IGF2BP3: variants seen among roughly 807,000 people sequenced by gnomAD.
IGF2BP3 encodes the protein insulin like growth factor 2 mRNA binding protein 3.
In IGF2BP3, 9 loss-of-function variants were observed where a neutral mutation model predicts 73.8. That is an observed-to-expected ratio of 0.12 (90% CI 0.07 to 0.21). IGF2BP3 has a LOEUF of 0.21. IGF2BP3 is among the 10% of genes least tolerant of loss of function. IGF2BP3 has a pLI of 1.00. For synonymous variants in IGF2BP3, 258 were observed against 256.7 expected, an observed-to-expected ratio of 1.01 and a Z score of -0.05; for missense variants, 542 against 714.0, an observed-to-expected ratio of 0.76 and a Z score of 2.75.
At chr7:23,434,102 A>G (rs1296447876) in intron 2 of IGF2BP3, among the ~76,000 whole-genome samples, 2 of 151,752 alleles carry the variant, frequency 1.3e-5, no homozygotes, top group Non-Finnish European at 2.9e-5. Flanking sequence ...AAAAAAAAAA[A>G]AAAAAAGAAA....
At position 23,441,698 on chromosome 7, in the gene IGF2BP3, C is replaced by A. The variant is rs1045790509; in HGVS notation, c.237-22874G>T. ...ACCTCTACCAGAAATTGCAAATTAC[C>A]TACTCAGAGAGTGTGAAAACTCAGT... On this transcript the variant is annotated intron_variant, in intron 2 of 14. Transcript: ENST00000258729. Among the ~76,000 whole-genome samples, 3 of 149,286 alleles carry A rather than the reference C, an allele frequency of 2.0e-5. No individual in the cohort carries two copies. The South Asian group carries it at 6.6e-4, about 33-fold the overall frequency.
intron 10 of IGF2BP3, among the ~76,000 whole-genome samples, chr7:23,319,980 G>A (rs754376270): frequency 5.9e-5 from 9 of 151,786 alleles, no homozygotes; most frequent in East Asian, 3.9e-4. Flanking sequence ...GCACGATCTC[G>A]GCTCACTGCA....
Position 23,403,861 on chromosome 7 carries a change from G to A in IGF2BP3, c.285+14915C>T, listed in dbSNP as rs900721547. ...TACTTGGCCAGGCACGGTGACTCAC[G>A]ACTGTAATCCCAACACTTTGGGAGG... is the stretch of plus-strand genomic sequence containing the variant. On this transcript the variant is annotated intron_variant, in intron 3 of 14. Coordinates refer to ENST00000258729, the MANE Select transcript of IGF2BP3 (RefSeq NM_006547.3). Among the ~76,000 whole-genome samples, 4 of 151,982 alleles carry A rather than the reference G, an allele frequency of 2.6e-5. No homozygotes were observed. The East Asian group carries it at 5.8e-4, about 22-fold the overall frequency.
chr7:23,372,222 G>T (rs188479027), intron 3 of IGF2BP3, among the ~76,000 whole-genome samples: 1 of 151,918 alleles, frequency 6.6e-6, no homozygotes, highest in African/African-American at 2.4e-5. Flanking sequence ...CTACAGGCAC[G>T]TGCCTCCACC....
At chr7:23,457,575 G>A (rs1259549891) in intron 2 of IGF2BP3, among the ~76,000 whole-genome samples, 2 of 152,274 alleles carry the variant, frequency 1.3e-5, no homozygotes, top group East Asian at 1.9e-4. Context: ...GCACACCTAT[G>A]CTGAACAATG....
rs573621214 is a variant in IGF2BP3 at position 23,384,045 on chromosome 7, G to A, written c.286-22304C>T. ...TGGGAGGAAGAGGTTGCAGTGAGCC[G>A]AGATTGTGCCACTGCACTCCAGCCT... On this transcript the variant is annotated intron_variant, in intron 3 of 14. Transcript: ENST00000258729. Among the ~76,000 whole-genome samples the A allele has an allele frequency of 5.6e-5, 8 of 143,242 alleles. No individual in the cohort carries two copies. In the South Asian group the frequency reaches 1.5e-3, roughly 27 times the overall value. 94.0% of individuals were successfully genotyped at this position (143,242 alleles called of 152,430 possible).
intron 2 of IGF2BP3, among the ~76,000 whole-genome samples, chr7:23,429,179 A>T (rs887538680): frequency 2.0e-5 from 3 of 152,222 alleles, no homozygotes; most frequent in African/African-American, 7.2e-5. Context: ...TTGGAAAGAA[A>T]ATAAACCATG....
rs1424954813 is a variant in IGF2BP3 at position 23,390,476 on chromosome 7, C to T, written c.285+28300G>A. Among the ~76,000 whole-genome samples, 6 of 152,174 alleles carry T rather than the reference C, an allele frequency of 3.9e-5. No homozygotes were observed. The East Asian group carries it at 1.2e-3, about 29-fold the overall frequency. Reference sequence around the variant, plus strand: ...GAAAACAGATGAAGCCACTGAGCTACAGGAAAGCAAAGAGTGCCGCTAGAT... The same window carrying T: ...GAAAACAGATGAAGCCACTGAGCTATAGGAAAGCAAAGAGTGCCGCTAGAT... On this transcript the variant is annotated intron_variant, in intron 3 of 14. Coordinates refer to ENST00000258729, the MANE Select transcript of IGF2BP3 (RefSeq NM_006547.3).
At position 23,469,046 on chromosome 7, in the gene IGF2BP3, G is replaced by A. The variant is rs916186306; in HGVS notation, c.176-504C>T. 1.3e-5 allele frequency among the ~76,000 whole-genome samples: 2 copies of A among 152,260 alleles called. No individual in the cohort carries two copies. The highest frequency in any genetic ancestry group is 1.9e-4 in the East Asian group (1 of 5,192). ...GGACGGCAGGGGAGACCACGAACGG[G>A]AGAACTGGCAGAGGCGCAGCTCGGC... On this transcript the variant is annotated intron_variant, in intron 1 of 14. Transcript: ENST00000258729. The surrounding 1 kb of genome is among the most constrained non-coding windows in gnomAD (Gnocchi z 6.1).
chr7:23,383,625 T>A (rs1254553831), intron 3 of IGF2BP3, among the ~76,000 whole-genome samples: 2 of 152,134 alleles, frequency 1.3e-5, no homozygotes, highest in Admixed American at 1.3e-4. Context: ...GCAAGTGAAC[T>A]CCTAGAAACA....
chr7:23,359,204 C>G (rs1479868335), intron 5 of IGF2BP3, among the ~76,000 whole-genome samples: 1 of 152,188 alleles, frequency 6.6e-6, no homozygotes, highest in Non-Finnish European at 1.5e-5. Context: ...TTCTTTTCAG[C>G]AATAATTCTG....
intron 3 of IGF2BP3, among the ~76,000 whole-genome samples, chr7:23,396,254 G>C (rs1319442443): frequency 6.6e-6 from 1 of 152,026 alleles, no homozygotes; most frequent in Non-Finnish European, 1.5e-5. Flanking sequence ...GTGCTGGCTT[G>C]GGGGTAGGGG....
At chr7:23,401,926 G>A (rs1272781107) in intron 3 of IGF2BP3, among the ~76,000 whole-genome samples, 1 of 152,044 alleles carries the variant, frequency 6.6e-6, no homozygotes, top group African/African-American at 2.4e-5. Flanking sequence ...AGACCAGCCT[G>A]GCCAACATGG....
chr7:23,317,658 G>A lies in IGF2BP3; in HGVS notation c.1376C>T (p.Pro459Leu). Residue 459 changes from proline to leucine, a missense_variant, in exon 12 of 15, where the codon CCA (proline) becomes CTA (leucine). Physicochemically the swap from Pro to Leu is moderately conservative, Grantham distance 98 (BLOSUM62 -3). This residue lies in a region of IGF2BP3 where 303 missense variants were observed against 472.1 expected (regional missense o/e 0.64). Coordinates refer to ENST00000258729, the MANE Select transcript of IGF2BP3 (RefSeq NM_006547.3). ...AKVRMVIITG[P>L]PEAQFKAQGR... ...ACATACCTTGAACTGAGCCTCTGGTGGTCCAGTGATAATCACCATCCTCAC... is the reference window on the plus strand; with the variant it reads ...ACATACCTTGAACTGAGCCTCTGGTAGTCCAGTGATAATCACCATCCTCAC... The A allele has an allele frequency of 6.2e-7, 1 of 1,613,914 alleles. No homozygotes were observed. Among genetic ancestry groups the A allele is most frequent in the Non-Finnish European group, 8.5e-7 (1 of 1,179,818 alleles).
chr7:23,366,223 T>C (rs1185819122), intron 3 of IGF2BP3, among the ~76,000 whole-genome samples: 1 of 151,984 alleles, frequency 6.6e-6, no homozygotes, highest in Admixed American at 6.6e-5. Context: ...CTGCAACGTC[T>C]GCCTCCCAGG....
At chr7:23,335,294 T>C (rs1784545760) in intron 10 of IGF2BP3, among the ~76,000 whole-genome samples, 1 of 151,534 alleles carries the variant, frequency 6.6e-6, no homozygotes, top group Non-Finnish European at 1.5e-5. Context: ...CATAATTTTT[T>C]TTTTTTTGGA....
At chr7:23,314,502 G>A (rs2128491314) in intron 12 of IGF2BP3, among the ~76,000 whole-genome samples, 1 of 151,430 alleles carries the variant, frequency 6.6e-6, no homozygotes, top group East Asian at 2.0e-4. Context: ...ATAGAGATGG[G>A]GGTCTTGCTA....
At chr7:23,456,889 A>T (rs1211062921) in intron 2 of IGF2BP3, among the ~76,000 whole-genome samples, 1 of 152,092 alleles carries the variant, frequency 6.6e-6, no homozygotes, top group East Asian at 1.9e-4. Context: ...TCTCTACTAA[A>T]AATACAAAAA....
At chr7:23,441,383 G>A (rs1226087466) in intron 2 of IGF2BP3, among the ~76,000 whole-genome samples, 1 of 151,846 alleles carries the variant, frequency 6.6e-6, no homozygotes, top group African/African-American at 2.4e-5. Flanking sequence ...GACCATCCTG[G>A]CCAACATGGT....
Sources: allele counts gnomAD v4.1 joint callset (sites outside exome capture counted in the v4.1 genomes callset), GRCh38; gene constraint gnomAD v4.1.1; regional missense constraint gnomAD v4.1.1; non-coding constraint Gnocchi (gnomAD v3.1); transcripts MANE v1.5; gene names NCBI Gene and HGNC (gene_info 2026-07-23, HGNC 2026-07-21).